ZSCAN12: variants seen among roughly 807,000 people sequenced by gnomAD.
The protein encoded by ZSCAN12 is zinc finger and SCAN domain containing 12.
A neutral mutation model predicts 23.4 loss-of-function variants in ZSCAN12; 18 were observed. That is an observed-to-expected ratio of 0.77 (90% CI 0.53 to 1.14). The LOEUF (loss-of-function observed/expected upper bound fraction) is 1.14. Ranked by LOEUF, ZSCAN12 falls within the 50% of genes most tolerant of loss-of-function variation. The probability of loss-of-function intolerance (pLI) is 0.00; values close to 1 mark genes in which losing one functional copy is unlikely to be tolerated. For synonymous variants in ZSCAN12, 186 were observed against 253.4 expected, an observed-to-expected ratio of 0.73 and a Z score of 2.53; for missense variants, 650 against 735.0, an observed-to-expected ratio of 0.88 and a Z score of 1.34.
rs1760663533 is a variant in ZSCAN12, at chr6:28,388,610, G to A, written c.*1844C>T. ...GAAGAGAAGATGGGACAAAGACACA[G>A]GGCTGTGTAGAAAGGTAATTAGGAG... On this transcript the variant is annotated 3_prime_UTR_variant, in exon 4 of 4. Transcript: ENST00000684592. Among the ~76,000 whole-genome samples, 1 of 152,146 alleles carries A rather than the reference G, an allele frequency of 6.6e-6. No homozygotes were observed. Among genetic ancestry groups the A allele is most frequent in the East Asian group, 1.9e-4 (1 of 5,192 alleles).
Position 28,391,257 on chromosome 6 carries a change from G to C in ZSCAN12, c.1033C>G (p.Leu345Val), listed in dbSNP as rs759591934. The change falls in exon 4 of 4, where the codon CTT (leucine) becomes GTT (valine). Residue 345 changes from leucine to valine, a missense_variant. Leu to Val is a conservative substitution (Grantham distance 32). Coordinates refer to ENST00000684592, the MANE Select transcript of ZSCAN12 (RefSeq NM_001163391.2). This position sits in a 1 kb window ranked among gnomAD's most constrained non-coding sequence, Gnocchi z 4.1. ...CGKAFGRWSA[L>V]NQHQRLHTGE... ...GTGTGAAGTCTCTGATGTTGGTTAA[G>C]AGCTGACCACCGGCCAAAGGCTTTG... 6.4e-7 allele frequency: 1 copy of C among 1,551,870 alleles called. No individual in the cohort carries two copies. Among genetic ancestry groups the C allele is most frequent in the African/African-American group, 1.4e-5 (1 of 73,138 alleles).
downstream of ZSCAN12, among the ~76,000 whole-genome samples, chr6:28,384,540 G>C (rs992567436): frequency 2.0e-5 from 3 of 152,142 alleles, no homozygotes; most frequent in African/African-American, 7.2e-5. Flanking sequence ...CGTGTATGAA[G>C]AGAATCAACT....
chr6:28,390,452 C>T lies in ZSCAN12; in HGVS notation c.*2G>A. The T allele has an allele frequency of 6.5e-7, 1 of 1,530,598 alleles. No homozygotes were observed. Among genetic ancestry groups the T allele is most frequent in the Non-Finnish European group, 8.8e-7 (1 of 1,136,848 alleles). 94.8% of individuals were successfully genotyped at this position (1,530,598 alleles called of 1,614,324 possible). On this transcript the variant is annotated 3_prime_UTR_variant, in exon 4 of 4. Coordinates refer to ENST00000684592, the MANE Select transcript of ZSCAN12 (RefSeq NM_001163391.2). ...CTCTGTGAGATAACTTCCCTGTAGT[C>T]ATCACACAGAAACAGATTTTTCTCC... is the stretch of plus-strand genomic sequence containing the variant.
chr6:28,382,553 C>G (rs1162977942), downstream of ZSCAN12: 7 of 1,551,866 alleles, frequency 4.5e-6, no homozygotes, highest in South Asian at 8.3e-5. Context: ...AAGATTCACT[C>G]CAGCTTGGGG....
At position 28,388,898 on chromosome 6, in the gene ZSCAN12, A is replaced by G. The variant is rs889266300; in HGVS notation, c.*1556T>C. On this transcript the variant is annotated 3_prime_UTR_variant, in exon 4 of 4. Transcript: ENST00000684592. The stretch of plus-strand genomic sequence containing the variant: ...TAAATAAAAAGACAGATCAGGAGCC[A>G]TGTGTACTTCCATGTGGCTTATCTG... 6.6e-6 allele frequency among the ~76,000 whole-genome samples: 1 copy of G among 152,228 alleles called. No homozygotes were observed. The highest frequency in any genetic ancestry group is 1.5e-5 in the Non-Finnish European group (1 of 68,026).
rs1169852041 is a variant in ZSCAN12, at chr6:28,387,642, A to G, written c.*2812T>C. Among the ~76,000 whole-genome samples the G allele has an allele frequency of 6.6e-6, 1 of 152,250 alleles. No individual in the cohort carries two copies. The highest frequency in any genetic ancestry group is 2.4e-5 in the African/African-American group (1 of 41,462). ...CCTCCATGTAGGCTAATTTTAGAGC[A>G]GAGATAATATGCAAAAACAGCAATC... is the stretch of plus-strand genomic sequence containing the variant. On this transcript the variant is annotated 3_prime_UTR_variant, in exon 4 of 4. Coordinates refer to ENST00000684592, the MANE Select transcript of ZSCAN12 (RefSeq NM_001163391.2).
Position 28,389,381 on chromosome 6 carries a change from T to C in ZSCAN12, c.*1073A>G, listed in dbSNP as rs372813638. On this transcript the variant is annotated 3_prime_UTR_variant, in exon 4 of 4. Coordinates refer to ENST00000684592, the MANE Select transcript of ZSCAN12 (RefSeq NM_001163391.2). ...TTCACTCCAAAGAGCTGATGGCACA[T>C]GTTCCCTGTAAGGATCTCCTTGTGC... Among the ~76,000 whole-genome samples, 1 of 152,202 alleles carries C rather than the reference T, an allele frequency of 6.6e-6. No homozygotes were observed. The highest frequency in any genetic ancestry group is 2.4e-5 in the African/African-American group (1 of 41,448).
At position 28,398,360 on chromosome 6, in the gene ZSCAN12, G is replaced by A; in HGVS notation, c.46C>T (p.Pro16Ser). The A allele has an allele frequency of 6.4e-7, 1 of 1,551,834 alleles. No individual in the cohort carries two copies. Residue 16 changes from proline (P) to serine (S), a missense_variant, in exon 2 of 4, where the codon CCT becomes TCT. Pro to Ser is a moderately conservative substitution (Grantham distance 74). Coordinates refer to ENST00000684592, the MANE Select transcript of ZSCAN12 (RefSeq NM_001163391.2). ...AIQAHMDQDE[P>S]LEVKIEEEKY... ...TCTTCCTCTATCTTTACTTCCAAAG[G>A]TTCATCCTGGTCCATGTGGGCCTGG...
At position 28,391,101 on chromosome 6, in the gene ZSCAN12, G is replaced by A. The variant is rs368600496; in HGVS notation, c.1189C>T (p.Arg397Trp). The change falls in exon 4 of 4, where the codon CGG becomes TGG. Residue 397 changes from arginine to tryptophan, a missense_variant. Coordinates refer to ENST00000684592, the MANE Select transcript of ZSCAN12 (RefSeq NM_001163391.2). The surrounding 1 kb of genome is among the most constrained non-coding windows in gnomAD (Gnocchi z 4.1). ...QCTQCNKSFS[R>W]RSILTQHQGV... ...TGATGCTGAGTAAGTATGGAACGCCGACTAAAACTTTTATTACACTGAGTG... is the reference window on the plus strand; with the variant it reads ...TGATGCTGAGTAAGTATGGAACGCCAACTAAAACTTTTATTACACTGAGTG... The A allele has an allele frequency of 1.5e-5, 23 of 1,552,018 alleles. No homozygotes were observed. The highest frequency in any genetic ancestry group is 1.7e-4 in the Middle Eastern group (1 of 6,020).
intron 1 of ZSCAN12, among the ~76,000 whole-genome samples, chr6:28,398,809 T>G (rs1581788372): frequency 6.8e-6 from 1 of 146,846 alleles, no homozygotes; most frequent in Non-Finnish European, 1.5e-5. Context: ...GGCGGGCGCC[T>G]GTAGTCCCAG....
In ZSCAN12 at chr6:28,390,904, A is replaced by G; in HGVS notation, c.1386T>C (p.Ile462=). 1.3e-6 allele frequency: 2 copies of G among 1,568,798 alleles called. No homozygotes were observed. The highest frequency in any genetic ancestry group is 2.4e-5 in the East Asian group (1 of 42,460). The change falls in exon 4 of 4, where the codon ATT becomes ATC. Residue 462 remains isoleucine, a synonymous_variant. Coordinates refer to ENST00000684592, the MANE Select transcript of ZSCAN12 (RefSeq NM_001163391.2). ...SQSGLIQHQR[I]HTGEKPYKCD... is the part of the protein sequence containing the mutation. ...ATTTGTAGGGTTTTTCCCCAGTGTGAATTCTCTGATGCTGAATAAGGCCAC... is the reference window on the plus strand; with the variant it reads ...ATTTGTAGGGTTTTTCCCCAGTGTGGATTCTCTGATGCTGAATAAGGCCAC...
chr6:28,382,657 T>G, downstream of ZSCAN12: 1 of 1,541,650 alleles, frequency 6.5e-7, no homozygotes, highest in Non-Finnish European at 8.7e-7. Flanking sequence ...TTTGTTTACT[T>G]CTTTAGCCAA....
intron 2 of ZSCAN12, among the ~76,000 whole-genome samples, chr6:28,394,081 C>T (rs1036796735): frequency 2.0e-5 from 3 of 152,164 alleles, no homozygotes; most frequent in Non-Finnish European, 4.4e-5. Context: ...CCCTTGCTCC[C>T]TCAGTTAACT....
rs1429892185 is a variant in ZSCAN12 at position 28,386,755 on chromosome 6, A to AT, written c.*3698_*3699insA. Among the ~76,000 whole-genome samples the AT allele has an allele frequency of 6.6e-6, 1 of 152,128 alleles. No individual in the cohort carries two copies. The highest frequency in any genetic ancestry group is 1.5e-5 in the Non-Finnish European group (1 of 68,026). ...CTACCTGGAAATTCCATGTCACTCC[A>AT]CCTTTTTTTGGTACTACAACTGTAT... On this transcript the variant is annotated 3_prime_UTR_variant, in exon 4 of 4. Transcript: ENST00000684592.
At chr6:28,394,547 T>G (rs1475787867) in intron 2 of ZSCAN12, among the ~76,000 whole-genome samples, 1 of 152,346 alleles carries the variant, frequency 6.6e-6, no homozygotes, top group East Asian at 1.9e-4. Context: ...AAAAGGCCAG[T>G]ACTGCGAGCT....
Position 28,391,399 on chromosome 6 carries a change from A to T in ZSCAN12, c.891T>A (p.Thr297=), listed in dbSNP as rs1200005229. The change falls in exon 4 of 4, where the codon ACT becomes ACA. Residue 297 remains threonine (T), a synonymous_variant. Transcript: ENST00000684592. The surrounding 1 kb of genome is among the most constrained non-coding windows in gnomAD (Gnocchi z 4.1). Reference sequence around the variant, plus strand: ...CTTCGCATTTGTAGGGTCTATCTCCAGTATGGATCCTCTGATGTTCTATGA... The same window carrying T: ...CTTCGCATTTGTAGGGTCTATCTCCTGTATGGATCCTCTGATGTTCTATGA... The part of the protein sequence containing the change: ...SHLIEHQRIH[T]GDRPYKCEEC... 6.4e-7 allele frequency: 1 copy of T among 1,551,654 alleles called. No individual in the cohort carries two copies.
chr6:28,388,014 G>A lies in ZSCAN12; in HGVS notation c.*2440C>T, dbSNP rs9366719. 2.2e-4 allele frequency among the ~76,000 whole-genome samples: 34 copies of A among 152,242 alleles called. No homozygotes were observed. The East Asian group carries it at 5.2e-3, about 23-fold the overall frequency. On this transcript the variant is annotated 3_prime_UTR_variant, in exon 4 of 4. Coordinates refer to ENST00000684592, the MANE Select transcript of ZSCAN12 (RefSeq NM_001163391.2). ...TCTCCCGAGTTTTGGCTTTGGAGCCGCAAGCAGCTGAACCTTGGTTTGGTT... is the reference window on the plus strand; with the variant it reads ...TCTCCCGAGTTTTGGCTTTGGAGCCACAAGCAGCTGAACCTTGGTTTGGTT...
At chr6:28,396,200 TG>T (rs747768351) in intron 2 of ZSCAN12, among the ~76,000 whole-genome samples, 1 of 151,742 alleles carries the variant, frequency 6.6e-6, no homozygotes, top group Non-Finnish European at 1.5e-5. Flanking sequence ...TTTATAGAGA[TG>T]GGGGTCTCAC....
rs2232435 is a variant in ZSCAN12, at chr6:28,391,063, G to T, written c.1227C>A (p.Thr409=). Residue 409 remains threonine (T), a synonymous_variant, in exon 4 of 4, where the codon ACC becomes ACA. Transcript: ENST00000684592. The surrounding 1 kb of genome is among the most constrained non-coding windows in gnomAD (Gnocchi z 4.1). ...CGTTGCACTCATACGGCTTGGCGCCGGTATGAACTCCTTGATGCTGAGTAA... is the reference window on the plus strand; with the variant it reads ...CGTTGCACTCATACGGCTTGGCGCCTGTATGAACTCCTTGATGCTGAGTAA... ...SILTQHQGVH[T]GAKPYECNEC... The T allele has an allele frequency of 6.4e-7, 1 of 1,554,008 alleles. No individual in the cohort carries two copies. The highest frequency in any genetic ancestry group is 8.7e-7 in the Non-Finnish European group (1 of 1,148,072).
Sources: gnomAD v4.1 joint callset for allele counts (sites outside exome capture counted in the v4.1 genomes callset) on GRCh38, gnomAD v4.1.1 for gene constraint, Gnocchi (gnomAD v3.1) non-coding constraint, MANE v1.5 for transcripts, NCBI Gene and HGNC (gene_info 2026-07-23, HGNC 2026-07-21) for gene names.